Variants in ADAM23 observed in about 807,000 individuals in gnomAD.
ADAM23 encodes the protein disintegrin and metalloproteinase domain-containing protein 23.
Under a neutral mutation model 120.1 loss-of-function variants are expected in ADAM23, and 33 were observed. The observed-to-expected ratio is 0.27, with a 90% CI of 0.21 to 0.37. The LOEUF (loss-of-function observed/expected upper bound fraction) is 0.37. ADAM23 is among the 10% of genes least tolerant of loss of function. ADAM23 has a pLI of 1.00. For synonymous variants in ADAM23, 367 were observed against 375.2 expected (o/e 0.98, Z 0.25); for missense variants, 862 against 1,058.2 (o/e 0.81, Z 2.57).
intron 2 of ADAM23, among the ~76,000 whole-genome samples, chr2:206,449,630 C>T (rs370866705): frequency 4.6e-5 from 7 of 152,262 alleles, no homozygotes; most frequent in African/African-American, 1.7e-4. Context: ...ATTAGCCGGG[C>T]GCAGTGGTGC....
At chr2:206,509,020 G>GTCTA (rs1696565674) in intron 3 of ADAM23, among the ~76,000 whole-genome samples, 1 of 152,220 alleles carries the variant, frequency 6.6e-6, no homozygotes, top group South Asian at 2.1e-4. Context: ...CAGTAGTGAA[G>GTCTA]TTAGAGACCT....
intron 24 of ADAM23, among the ~76,000 whole-genome samples, chr2:206,596,518 G>A (rs113063113): frequency 1.1e-3 from 170 of 152,264 alleles, no homozygotes; most frequent in African/African-American, 3.9e-3. Context: ...CTTTTTGGCT[G>A]ACATGAGGCT....
At chr2:206,485,359 T>C (rs1695989419) in intron 3 of ADAM23, among the ~76,000 whole-genome samples, 1 of 152,198 alleles carries the variant, frequency 6.6e-6, no homozygotes, top group Non-Finnish European at 1.5e-5. Flanking sequence ...ATTTCCACTA[T>C]AGGATGATCA....
intron 18 of ADAM23, among the ~76,000 whole-genome samples, chr2:206,585,669 A>G (rs1286362103): frequency 6.6e-6 from 1 of 152,212 alleles, no homozygotes; most frequent in South Asian, 2.1e-4. Context: ...CACACCTGCC[A>G]CATGCCTGGT....
chr2:206,538,739 T>C (rs543907232), intron 4 of ADAM23, among the ~76,000 whole-genome samples: 2 of 152,202 alleles, frequency 1.3e-5, no homozygotes, highest in Non-Finnish European at 2.9e-5. Flanking sequence ...ATGAGTAGAA[T>C]CAAACAGTTC....
chr2:206,473,535 A>G (rs1331283121), intron 2 of ADAM23, among the ~76,000 whole-genome samples: 1 of 151,642 alleles, frequency 6.6e-6, no homozygotes, highest in Admixed American at 6.6e-5. Context: ...CCAGGAGTTC[A>G]AGACCAGCTG....
At chr2:206,486,730 C>A (rs763545054) in intron 3 of ADAM23, among the ~76,000 whole-genome samples, 6 of 152,092 alleles carry the variant, frequency 3.9e-5, no homozygotes, top group Non-Finnish European at 7.4e-5. Context: ...ACCTCCACCA[C>A]GACCGTCATC....
chr2:206,601,611 A>C (rs1166212105), intron 24 of ADAM23, among the ~76,000 whole-genome samples: 2 of 151,884 alleles, frequency 1.3e-5, no homozygotes, highest in African/African-American at 4.8e-5. Context: ...CGTCTATATA[A>C]AAAAATAAAA....
chr2:206,534,257 AATAAT>A (rs1238465969), intron 4 of ADAM23, among the ~76,000 whole-genome samples: 1 of 152,204 alleles, frequency 6.6e-6, no homozygotes, highest in Non-Finnish European at 1.5e-5. Context: ...ACATAAATGA[AATAAT>A]ATAATAGGTG....
chr2:206,594,844 A>G lies in ADAM23; in HGVS notation c.2186A>G (p.Gln729Arg), dbSNP rs754134188. The change falls in exon 23 of 26, where the codon CAA becomes CGA. Residue 729 changes from glutamine to arginine, a missense_variant. Coordinates refer to ENST00000264377, the MANE Select transcript of ADAM23 (RefSeq NM_003812.4). ...MCLDRKCLQI[Q>R]ALNMSSCPLD... Reference sequence around the variant, plus strand: ...TTAGATCGGAAGTGCCTACAAATTCAAGCCCTAAATATGAGCAGCTGTCCA... The same window carrying G: ...TTAGATCGGAAGTGCCTACAAATTCGAGCCCTAAATATGAGCAGCTGTCCA... The G allele has an allele frequency of 6.2e-7, 1 of 1,614,068 alleles. No homozygotes were observed. The highest frequency in any genetic ancestry group is 1.3e-5 in the African/African-American group (1 of 74,926).
At chr2:206,543,026 A>G (rs1697324432) in intron 5 of ADAM23, among the ~76,000 whole-genome samples, 1 of 152,188 alleles carries the variant, frequency 6.6e-6, no homozygotes, top group East Asian at 1.9e-4. Flanking sequence ...ATTTGCATGC[A>G]TTTGATGTAT....
intron 3 of ADAM23, among the ~76,000 whole-genome samples, chr2:206,496,624 T>C (rs908894639): frequency 6.6e-6 from 1 of 152,064 alleles, no homozygotes; most frequent in African/African-American, 2.4e-5. Context: ...ACTCAAAAGC[T>C]AGCAGAAGGC....
chr2:206,533,564 C>G (rs1574517917), intron 4 of ADAM23, among the ~76,000 whole-genome samples: 1 of 152,160 alleles, frequency 6.6e-6, no homozygotes. Flanking sequence ...CATGTAGACA[C>G]ACAATATTTT....
intron 4 of ADAM23, among the ~76,000 whole-genome samples, chr2:206,536,515 T>C (rs1697179896): frequency 6.6e-6 from 1 of 152,114 alleles, no homozygotes; most frequent in African/African-American, 2.4e-5. Context: ...AGTCTAAAGA[T>C]GGAATGGATA....
chr2:206,474,125 C>T (rs1025450193), intron 2 of ADAM23, among the ~76,000 whole-genome samples: 4 of 151,880 alleles, frequency 2.6e-5, no homozygotes, highest in African/African-American at 4.8e-5. Context: ...TGCTGGTTAG[C>T]CCATAATACT....
chr2:206,608,732 G>A (rs961394501), intron 24 of ADAM23, among the ~76,000 whole-genome samples: 1 of 151,940 alleles, frequency 6.6e-6, no homozygotes, highest in African/African-American at 2.4e-5. Context: ...GCACTGGATG[G>A]TCTCCGAATA....
chr2:206,527,582 G>A (rs1696968678), intron 3 of ADAM23, among the ~76,000 whole-genome samples: 1 of 152,210 alleles, frequency 6.6e-6, no homozygotes, highest in Non-Finnish European at 1.5e-5. Flanking sequence ...TTGCACATTT[G>A]TGCTGATTTT....
chr2:206,586,882 C>G (rs1698332102), intron 18 of ADAM23, among the ~76,000 whole-genome samples: 1 of 152,168 alleles, frequency 6.6e-6, no homozygotes, highest in Non-Finnish European at 1.5e-5. Flanking sequence ...AGTATTTCTT[C>G]TGTTTCACTA....
intron 14 of ADAM23, among the ~76,000 whole-genome samples, chr2:206,565,885 C>G (rs376500879): frequency 6.6e-6 from 1 of 152,164 alleles, no homozygotes; most frequent in African/African-American, 2.4e-5. Context: ...TTGTTTTCTT[C>G]CACCAGCCCT....
Sources: gnomAD v4.1 joint callset for allele counts (sites outside exome capture counted in the v4.1 genomes callset) on GRCh38, gnomAD v4.1.1 for gene constraint, MANE v1.5 for transcripts, NCBI Gene and HGNC (gene_info 2026-07-23, HGNC 2026-07-21) for gene names.